UBAP1: variants seen among roughly 807,000 people sequenced by gnomAD.
The protein encoded by UBAP1 is ubiquitin associated protein 1, also known as ubiquitin-associated protein 1.
In UBAP1, 5 loss-of-function variants were observed where a neutral mutation model predicts 39.0. That is an observed-to-expected ratio of 0.13 (90% CI 0.07 to 0.27). The LOEUF (loss-of-function observed/expected upper bound fraction) is 0.27, where lower values mean the gene tolerates loss of function less well. Among genes scored for constraint, UBAP1 ranks in the 10% least tolerant of loss-of-function variants. UBAP1 has a pLI of 1.00. For missense variants in UBAP1, 490 were observed against 608.1 expected (o/e 0.81, Z 2.04); for synonymous variants, 211 against 225.1 (o/e 0.94, Z 0.56).
At chr9:34,228,569 T>TC (rs371616909) in intron 2 of UBAP1, among the ~76,000 whole-genome samples, 295 of 137,470 alleles carry the variant, frequency 2.1e-3, no homozygotes, top group Middle Eastern at 3.7e-3. Flanking sequence ...TTTCTTTGTT[T>TC]CCCCCCCCCC....
chr9:34,179,142 C>T lies in UBAP1; in HGVS notation c.-106C>T. ...AGTTGGAGGTGGTGGCGTTCGCTCT[C>T]CCTAGGGGCTGTCGGGAGCTCAGCG... On this transcript the variant is annotated 5_prime_UTR_variant, in exon 1 of 7. Coordinates refer to ENST00000297661, the MANE Select transcript of UBAP1 (RefSeq NM_016525.5). 1.6e-6 allele frequency: 2 copies of T among 1,251,634 alleles called. No individual in the cohort carries two copies. The highest frequency in any genetic ancestry group is 2.0e-6 in the Non-Finnish European group (2 of 995,652). 77.5% of individuals were successfully genotyped at this position (1,251,634 alleles called of 1,614,324 possible). A position where few individuals can be genotyped will look rare whatever the true frequency, so the allele number is the denominator to read the frequency against.
chr9:34,250,021 C>T (rs1349952069), intron 5 of UBAP1, 60 bp downstream of exon 5: 2 of 1,572,218 alleles, frequency 1.3e-6, no homozygotes, highest in Non-Finnish European at 1.7e-6. Flanking sequence ...GTAGTGTCCT[C>T]CCCTGTCCTA....
chr9:34,210,318 A>G (rs16935434), intron 1 of UBAP1, among the ~76,000 whole-genome samples: 5,026 of 152,258 alleles, frequency 0.033, 204 homozygotes, highest in East Asian at 0.15. Context: ...TAATTCTCAG[A>G]CTTAACCTGA....
intron 1 of UBAP1, among the ~76,000 whole-genome samples, chr9:34,187,985 T>C (rs571534025): frequency 2.0e-5 from 3 of 152,128 alleles, no homozygotes; most frequent in Admixed American, 1.3e-4. Flanking sequence ...AAAAACATTT[T>C]TTCTTTTTTT....
At chr9:34,235,297 GTA>G (rs772745740) in intron 3 of UBAP1, among the ~76,000 whole-genome samples, 105 of 133,458 alleles carry the variant, frequency 7.9e-4, no homozygotes, top group Admixed American at 3.3e-3. Context: ...GTGTATATGT[GTA>G]TATATATATG....
At chr9:34,217,783 C>CTTTTTTTTTTTTTTT (rs750494361) in intron 1 of UBAP1, among the ~76,000 whole-genome samples, 3 of 41,224 alleles carry the variant, frequency 7.3e-5, no homozygotes, top group Admixed American at 4.9e-4. Flanking sequence ...GGATTTCGTT[C>CTTTTTTTTTTTTTTT]TTTTTTTTTT....
At chr9:34,179,719 G>T (rs1178919341) in intron 1 of UBAP1, among the ~76,000 whole-genome samples, 1 of 152,076 alleles carries the variant, frequency 6.6e-6, no homozygotes, top group Non-Finnish European at 1.5e-5. Flanking sequence ...GTGATCTTTG[G>T]GGATATCTTT....
intron 1 of UBAP1, among the ~76,000 whole-genome samples, chr9:34,182,681 T>TTCTTTCTC (rs1491429494): frequency 1.2e-3 from 136 of 115,552 alleles, no homozygotes; most frequent in African/African-American, 1.3e-3. Flanking sequence ...CTTTCTTTCT[T>TTCTTTCTC]TCTCTCTCTC....
intron 3 of UBAP1, among the ~76,000 whole-genome samples, chr9:34,240,949 A>G (rs1833923624): frequency 6.6e-6 from 1 of 152,210 alleles, no homozygotes; most frequent in Admixed American, 6.5e-5. Flanking sequence ...TAGAGATCCA[A>G]GGAGGGTCTG....
At chr9:34,195,996 G>A (rs576138064) in intron 1 of UBAP1, among the ~76,000 whole-genome samples, 69 of 116,242 alleles carry the variant, frequency 5.9e-4, no homozygotes, top group South Asian at 1.9e-3. Context: ...GCCTAGGCTG[G>A]CCTCCAACTT....
chr9:34,234,320 C>G lies in UBAP1; in HGVS notation c.139C>G (p.Gln47Glu), dbSNP rs746147869. The G allele has an allele frequency of 2.5e-6, 4 of 1,604,766 alleles. No homozygotes were observed. The South Asian group carries it at 3.4e-5, about 14-fold the overall frequency. The change falls in exon 3 of 7, where the codon CAG becomes GAG. Residue 47 changes from glutamine to glutamate, a missense_variant. By Grantham distance (29) the Gln-to-Glu change is conservative (BLOSUM62 2). Transcript: ENST00000297661. ...TGGCTTCTCCTTGCCTGATTGTTTGCAGGTTGTCAGAGAAGTACAGGTAAG... is the reference window on the plus strand; with the variant it reads ...TGGCTTCTCCTTGCCTGATTGTTTGGAGGTTGTCAGAGAAGTACAGGTAAG... ...PIGFSLPDCLQVVREVQYDFS... is the reference protein window; with the variant it reads ...PIGFSLPDCLEVVREVQYDFS...
chr9:34,216,601 G>C (rs1419363318), intron 1 of UBAP1, among the ~76,000 whole-genome samples: 1 of 146,044 alleles, frequency 6.8e-6, no homozygotes, highest in African/African-American at 2.5e-5. Flanking sequence ...AAGTGAACCT[G>C]ATTAGCTGGG....
chr9:34,179,502 C>G (rs1829896564), intron 1 of UBAP1, among the ~76,000 whole-genome samples: 1 of 151,878 alleles, frequency 6.6e-6, no homozygotes, highest in South Asian at 2.1e-4. Flanking sequence ...GACTAATACC[C>G]TACTGGAAGA....
intron 1 of UBAP1, among the ~76,000 whole-genome samples, chr9:34,195,939 T>TGTTTG (rs1831022900): frequency 9.3e-6 from 1 of 107,144 alleles, no homozygotes; most frequent in South Asian, 3.4e-4. Context: ...TTTTTTTTTT[T>TGTTTG]TTTTTTTTTT....
intron 1 of UBAP1, among the ~76,000 whole-genome samples, chr9:34,182,038 ATCC>A (rs1447525389): frequency 6.7e-6 from 1 of 149,234 alleles, no homozygotes; most frequent in African/African-American, 2.5e-5. Context: ...AGCTCAAGTG[ATCC>A]TCCCACCACA....
chr9:34,221,276 T>A lies in UBAP1; in HGVS notation c.34+328T>A, dbSNP rs536126878. Among the ~76,000 whole-genome samples the A allele has an allele frequency of 7.2e-5, 11 of 152,216 alleles. No individual in the cohort carries two copies. The South Asian group carries it at 2.3e-3, about 32-fold the overall frequency. On this transcript the variant is annotated intron_variant, in intron 2 of 6. Coordinates refer to ENST00000297661, the MANE Select transcript of UBAP1 (RefSeq NM_016525.5). The stretch of plus-strand genomic sequence containing the variant: ...TGGGCGCGGTGGTTCAAGCCTGTAA[T>A]CCCAACACTTTGGGAGGCTGAGGCG...
intron 1 of UBAP1, among the ~76,000 whole-genome samples, chr9:34,187,637 A>G (rs1455023633): frequency 6.6e-6 from 1 of 152,064 alleles, no homozygotes; most frequent in Non-Finnish European, 1.5e-5. Context: ...TAGTTTTTAC[A>G]GTGTTGGGCT....
rs1563881247 is a variant in UBAP1 at position 34,182,669 on chromosome 9, T to TCTC, written c.-8+3429_-8+3430insCTC. On this transcript the variant is annotated intron_variant, in intron 1 of 6. Coordinates refer to ENST00000297661, the MANE Select transcript of UBAP1 (RefSeq NM_016525.5). The stretch of plus-strand genomic sequence containing the variant: ...TTTCTTTCTTTCTTTCTTTCTTTCT[T>TCTC]TCTTTCTTTCTTTCTCTCTCTCTTT... Among the ~76,000 whole-genome samples, 196 of 47,116 alleles carry TCTC rather than the reference T, an allele frequency of 4.2e-3. 3 individuals carry two copies. The highest frequency in any genetic ancestry group is 9.3e-3 in the African/African-American group (184 of 19,788). The allele number at this position is 47,116 out of a possible 152,430, so 30.9% of individuals were successfully genotyped here.
chr9:34,182,796 C>T (rs551802655), intron 1 of UBAP1, among the ~76,000 whole-genome samples: 29 of 151,716 alleles, frequency 1.9e-4, no homozygotes, highest in South Asian at 4.2e-4. Context: ...CTGCAAGCTC[C>T]GCCTCCTGGG....
Sources: allele counts gnomAD v4.1 joint callset (sites outside exome capture counted in the v4.1 genomes callset), GRCh38; gene constraint gnomAD v4.1.1; transcripts MANE v1.5; gene names NCBI Gene and HGNC (gene_info 2026-07-23, HGNC 2026-07-21).